CYSLTR2: variants seen among roughly 807,000 people sequenced by gnomAD.
CYSLTR2 encodes cysteinyl leukotriene receptor 2.
For synonymous variants in CYSLTR2, 179 were observed against 160.8 expected (o/e 1.11, Z -0.86); for missense variants, 398 against 411.9 (o/e 0.97, Z 0.29).
intron 1 of CYSLTR2, among the ~76,000 whole-genome samples, chr13:48,664,638 C>G (rs529065110): frequency 1.1e-4 from 16 of 152,058 alleles, no homozygotes; most frequent in African/African-American, 3.9e-4. Flanking sequence ...ATGGTAGTCT[C>G]TAATGATCCT....
At chr13:48,700,960 G>A (rs1355579140) in intron 4 of CYSLTR2, among the ~76,000 whole-genome samples, 1 of 152,128 alleles carries the variant, frequency 6.6e-6, no homozygotes, top group Non-Finnish European at 1.5e-5. Flanking sequence ...GGATGTGAAG[G>A]GCCTCTTCAA....
intron 1 of CYSLTR2, among the ~76,000 whole-genome samples, chr13:48,661,608 G>T (rs1007192034): frequency 6.6e-6 from 1 of 152,076 alleles, no homozygotes; most frequent in African/African-American, 2.4e-5. Context: ...CATAACTGAG[G>T]CTCAGAGAAG....
At chr13:48,659,709 CA>C (rs1181411095) in intron 1 of CYSLTR2, among the ~76,000 whole-genome samples, 1 of 152,138 alleles carries the variant, frequency 6.6e-6, no homozygotes, top group East Asian at 1.9e-4. Flanking sequence ...TCTATGATAA[CA>C]CTTGCTGTTC....
chr13:48,683,282 T>C (rs1352117408), intron 1 of CYSLTR2, among the ~76,000 whole-genome samples: 3 of 152,220 alleles, frequency 2.0e-5, no homozygotes, highest in Non-Finnish European at 2.9e-5. Context: ...AGTTCTGTTT[T>C]TAGCTCTCTG....
rs201596503 is a variant in CYSLTR2, at chr13:48,708,166, C to T, written c.*308C>T. 8 of 224,620 alleles carry T rather than the reference C, an allele frequency of 3.6e-5. No individual in the cohort carries two copies. Among genetic ancestry groups the T allele is most frequent in the Non-Finnish European group, 5.7e-5 (6 of 105,572 alleles). The allele number at this position is 224,620 out of a possible 1,614,324, so 13.9% of individuals were successfully genotyped here. A position where few individuals can be genotyped will look rare whatever the true frequency, so the allele number is the denominator to read the frequency against. Reference sequence around the variant, plus strand: ...TTCAGATATTGAACCAGATCTCTGGCCCATCAGGCTTTCTAAATTCTTCAA... The same window carrying T: ...TTCAGATATTGAACCAGATCTCTGGTCCATCAGGCTTTCTAAATTCTTCAA... On this transcript the variant is annotated 3_prime_UTR_variant, in exon 5 of 5. Coordinates refer to ENST00000682523, the MANE Select transcript of CYSLTR2 (RefSeq NM_001308476.3).
At chr13:48,673,856 G>T (rs183740071) in intron 1 of CYSLTR2, among the ~76,000 whole-genome samples, 2 of 152,132 alleles carry the variant, frequency 1.3e-5, no homozygotes, top group African/African-American at 4.8e-5. Context: ...GTCTGTAAAC[G>T]ATTTTATTTC....
intron 1 of CYSLTR2, among the ~76,000 whole-genome samples, chr13:48,674,892 G>T (rs1281145296): frequency 6.6e-6 from 1 of 152,184 alleles, no homozygotes; most frequent in Non-Finnish European, 1.5e-5. Context: ...TCTTCTGCAG[G>T]TGTGCTGGAG....
At chr13:48,676,092 C>A (rs1953588663) in intron 1 of CYSLTR2, among the ~76,000 whole-genome samples, 1 of 152,230 alleles carries the variant, frequency 6.6e-6, no homozygotes, top group African/African-American at 2.4e-5. Context: ...TGTTCCTGTT[C>A]AGCCATCTTG....
At chr13:48,694,312 C>T (rs1190215999) in intron 3 of CYSLTR2, among the ~76,000 whole-genome samples, 2 of 152,180 alleles carry the variant, frequency 1.3e-5, no homozygotes, top group East Asian at 3.8e-4. Context: ...ATTCTCAGTC[C>T]CTGGAGCCAG....
intron 1 of CYSLTR2, among the ~76,000 whole-genome samples, chr13:48,670,324 T>G (rs1240753603): frequency 6.6e-6 from 1 of 152,236 alleles, no homozygotes; most frequent in Non-Finnish European, 1.5e-5. Context: ...GCCATTGCTT[T>G]TGGTGTTTTA....
chr13:48,700,345 G>A (rs565630707), intron 4 of CYSLTR2, among the ~76,000 whole-genome samples: 1 of 152,216 alleles, frequency 6.6e-6, no homozygotes. Context: ...TTCATCCCTG[G>A]GATGCAAGGC....
chr13:48,699,925 T>C (rs956352282), intron 4 of CYSLTR2, among the ~76,000 whole-genome samples: 15 of 152,056 alleles, frequency 9.9e-5, no homozygotes, highest in Admixed American at 7.9e-4. Flanking sequence ...CTAGAAGAAA[T>C]GGATAAATTC....
chr13:48,710,415 G>T lies in CYSLTR2; in HGVS notation c.*2557G>T, dbSNP rs1306320298. On this transcript the variant is annotated 3_prime_UTR_variant, in exon 5 of 5. Transcript: ENST00000682523. ...TCCAGTTGCTCAGATCAACTGTTGTGGTATAACAGTGCTTGTGTTAAAGTC... is the reference window on the plus strand; with the variant it reads ...TCCAGTTGCTCAGATCAACTGTTGTTGTATAACAGTGCTTGTGTTAAAGTC... 1 of 152,066 alleles carries T rather than the reference G, an allele frequency of 6.6e-6. No individual in the cohort carries two copies. Among genetic ancestry groups the T allele is most frequent in the Non-Finnish European group, 1.5e-5 (1 of 68,018 alleles). 9.4% of individuals were successfully genotyped at this position (152,066 alleles called of 1,614,324 possible). A position where few individuals can be genotyped will look rare whatever the true frequency, so the allele number is the denominator to read the frequency against.
intron 2 of CYSLTR2, among the ~76,000 whole-genome samples, chr13:48,691,707 G>A (rs978581971): frequency 3.9e-5 from 6 of 152,032 alleles, no homozygotes; most frequent in East Asian, 1.9e-4. Flanking sequence ...GTTGCTAATC[G>A]AGAATCTTGG....
intron 3 of CYSLTR2, among the ~76,000 whole-genome samples, chr13:48,693,898 G>A (rs1566099861): frequency 6.6e-6 from 1 of 152,160 alleles, no homozygotes; most frequent in Non-Finnish European, 1.5e-5. Flanking sequence ...GTAAACCATC[G>A]TGTTTATATT....
intron 1 of CYSLTR2, among the ~76,000 whole-genome samples, chr13:48,662,559 G>A (rs1953157000): frequency 6.6e-6 from 1 of 152,138 alleles, no homozygotes. Context: ...ACTGGGGTGA[G>A]ATGATACCTC....
rs1386648317 is a variant in CYSLTR2 at position 48,690,076 on chromosome 13, G to A, written c.-265-1136G>A. ...CTGCTTGTTTATTATTGGTGTATAG[G>A]AATGCTTGTAATTTTTGCACATTGA... On this transcript the variant is annotated intron_variant, in intron 1 of 4. Transcript: ENST00000682523. Among the ~76,000 whole-genome samples, 4 of 152,108 alleles carry A rather than the reference G, an allele frequency of 2.6e-5. No individual in the cohort carries two copies. In the East Asian group the frequency reaches 5.8e-4, roughly 22 times the overall value.
intron 1 of CYSLTR2, among the ~76,000 whole-genome samples, chr13:48,665,232 T>C (rs1338967647): frequency 2.6e-5 from 4 of 152,110 alleles, no homozygotes; most frequent in Non-Finnish European, 5.9e-5. Flanking sequence ...TGTGTCCTAA[T>C]ATATTGTAAA....
At chr13:48,706,310 A>C (rs1280773940) in intron 4 of CYSLTR2, among the ~76,000 whole-genome samples, 1 of 152,118 alleles carries the variant, frequency 6.6e-6, no homozygotes, top group Non-Finnish European at 1.5e-5. Flanking sequence ...CATTCTTTTA[A>C]GATAGGTCTG....
Sources: allele counts gnomAD v4.1 joint callset (sites outside exome capture counted in the v4.1 genomes callset), GRCh38; gene constraint gnomAD v4.1.1; transcripts MANE v1.5; gene names NCBI Gene and HGNC (gene_info 2026-07-23, HGNC 2026-07-21).